The following PARP12 variants were observed in gnomAD, a reference collection of about 807,000 sequenced individuals.
The protein encoded by PARP12 is protein mono-ADP-ribosyltransferase PARP12.
A neutral mutation model predicts 72.4 loss-of-function variants in PARP12; 59 were observed. The observed-to-expected ratio is 0.81, with a 90% CI of 0.66 to 1.01. PARP12 has a LOEUF of 1.01. PARP12 is among the 50% of genes least tolerant of loss of function. PARP12 has a pLI of 0.00. For missense variants in PARP12, 851 were observed against 914.0 expected, an observed-to-expected ratio of 0.93 and a Z score of 0.89; for synonymous variants, 403 against 371.4, an observed-to-expected ratio of 1.09 and a Z score of -0.98.
chr7:140,036,992 T>A (rs1307162644), intron 7 of PARP12, among the ~76,000 whole-genome samples: 1 of 152,054 alleles, frequency 6.6e-6, no homozygotes, highest in Non-Finnish European at 1.5e-5. Flanking sequence ...TGTCCTACCA[T>A]CCGTTAAACC....
rs1198895407 is a variant in PARP12 at position 140,057,945 on chromosome 7, T to A, written c.416A>T (p.Glu139Val). The change falls in exon 2 of 12, where the codon GAG becomes GTG. Residue 139 changes from glutamate (E) to valine (V), a missense_variant. This residue lies in a region of PARP12 where 492 missense variants were observed against 489.3 expected (regional missense o/e 1.01). Coordinates refer to ENST00000263549, the MANE Select transcript of PARP12 (RefSeq NM_022750.4). ...GTTCTGAAACAAGAGTTGGCATAGC[T>A]CATTATAGCTCAGGTGGTCAACGCC... is the stretch of plus-strand genomic sequence containing the variant. ...THGVDHLSYN[E>V]LCQLLFQNDP... 6.2e-7 allele frequency: 1 copy of A among 1,614,072 alleles called. No individual in the cohort carries two copies. The highest frequency in any genetic ancestry group is 1.3e-5 in the African/African-American group (1 of 74,920).
At chr7:140,034,509 T>C (rs16882298) in intron 7 of PARP12, 178 bp from the exon 8 acceptor site, 13,109 of 462,508 alleles carry the variant, frequency 0.028, 477 homozygotes, top group African/African-American at 0.12. Flanking sequence ...ATAAAGAAAA[T>C]AGGTATCCTT....
chr7:140,062,816 G>T lies in PARP12; in HGVS notation c.32C>A (p.Thr11Asn), dbSNP rs1405859982. Residue 11 changes from threonine to asparagine, a missense_variant, in exon 1 of 12, where the codon ACC becomes AAC. This residue lies in a region of PARP12 where 492 missense variants were observed against 489.3 expected (regional missense o/e 1.01). Transcript: ENST00000263549. ...GCCCCCGGCCGCGCACAGCACCTGG[G>T]TGACCTCACCGACGACGCCGGCCTG... is the stretch of plus-strand genomic sequence containing the variant. Reference protein sequence around the residue: MAQAGVVGEVTQVLCAAGGAL... With the variant: MAQAGVVGEVNQVLCAAGGAL... The T allele has an allele frequency of 1.4e-6, 2 of 1,411,128 alleles. No individual in the cohort carries two copies. Among genetic ancestry groups the T allele is most frequent in the Non-Finnish European group, 1.9e-6 (2 of 1,080,736 alleles). 87.4% of individuals were successfully genotyped at this position (1,411,128 alleles called of 1,614,324 possible).
intron 1 of PARP12, among the ~76,000 whole-genome samples, chr7:140,061,021 G>C (rs1357322232): frequency 6.6e-6 from 1 of 152,184 alleles, no homozygotes; most frequent in African/African-American, 2.4e-5. Flanking sequence ...CGCAGGAACA[G>C]AGACTGAAGA....
At position 140,024,203 on chromosome 7, in the gene PARP12, T is replaced by C; in HGVS notation, c.*357A>G. ...TGCCATGAGACTCTGAGAAACCGAA[T>C]CACTGCAGAGACAAACTCATAAAAA... On this transcript the variant is annotated 3_prime_UTR_variant, in exon 12 of 12. Coordinates refer to ENST00000263549, the MANE Select transcript of PARP12 (RefSeq NM_022750.4). The C allele has an allele frequency of 3.1e-6, 1 of 324,492 alleles. No homozygotes were observed. The highest frequency in any genetic ancestry group is 6.0e-6 in the Non-Finnish European group (1 of 167,020). The allele number at this position is 324,492 out of a possible 1,614,324, so 20.1% of individuals were successfully genotyped here.
chr7:140,046,648 G>C (rs948907700), intron 5 of PARP12, among the ~76,000 whole-genome samples: 16 of 152,130 alleles, frequency 1.1e-4, no homozygotes, highest in Admixed American at 3.3e-4. Flanking sequence ...GGAGAACAAA[G>C]CCACCAAACT....
intron 7 of PARP12, among the ~76,000 whole-genome samples, chr7:140,036,142 G>A (rs1816187541): frequency 6.6e-6 from 1 of 152,182 alleles, no homozygotes; most frequent in African/African-American, 2.4e-5. Context: ...ATCATAAACT[G>A]CACGTGTGTG....
In PARP12 at chr7:140,040,961, T is replaced by C. The variant is rs565332229; in HGVS notation, c.1182+683A>G. On this transcript the variant is annotated intron_variant, in intron 6 of 11. Coordinates refer to ENST00000263549, the MANE Select transcript of PARP12 (RefSeq NM_022750.4). ...TTTTGTATTTTTAGTAGAGATGGGGTTTCACCATGTTGGCCAGGCTGGTCT... is the reference window on the plus strand; with the variant it reads ...TTTTGTATTTTTAGTAGAGATGGGGCTTCACCATGTTGGCCAGGCTGGTCT... 7.9e-5 allele frequency among the ~76,000 whole-genome samples: 12 copies of C among 152,176 alleles called. No homozygotes were observed. In the South Asian group the frequency reaches 1.0e-3, roughly 13 times the overall value.
rs1443949687 is a variant in PARP12, at chr7:140,062,903, A to C, written c.-56T>G. 8 of 1,213,306 alleles carry C rather than the reference A, an allele frequency of 6.6e-6. No homozygotes were observed. The highest frequency in any genetic ancestry group is 1.6e-5 in the African/African-American group (1 of 62,528). The allele number at this position is 1,213,306 out of a possible 1,614,324, so 75.2% of individuals were successfully genotyped here. On this transcript the variant is annotated 5_prime_UTR_variant, in exon 1 of 12. Coordinates refer to ENST00000263549, the MANE Select transcript of PARP12 (RefSeq NM_022750.4). ...GGTGGCGCGACGCGGACGGCGGCGGACGCTGGCTGGCGGGCGGCTCTCGCA... is the reference window on the plus strand; with the variant it reads ...GGTGGCGCGACGCGGACGGCGGCGGCCGCTGGCTGGCGGGCGGCTCTCGCA...
At chr7:140,041,057 C>T (rs532477897) in intron 6 of PARP12, among the ~76,000 whole-genome samples, 10 of 152,216 alleles carry the variant, frequency 6.6e-5, no homozygotes, top group Non-Finnish European at 1.0e-4. Flanking sequence ...CATGAGCCAC[C>T]ACGCCCGGCC....
intron 6 of PARP12, among the ~76,000 whole-genome samples, chr7:140,040,453 C>T (rs1184403189): frequency 1.3e-5 from 2 of 152,170 alleles, no homozygotes; most frequent in Admixed American, 1.3e-4. Context: ...GCAAGGCCAT[C>T]GCTGAGAGTG....
chr7:140,062,858 C>A lies in PARP12; in HGVS notation c.-11G>T, dbSNP rs1437443954. On this transcript the variant is annotated 5_prime_UTR_variant, in exon 1 of 12. Transcript: ENST00000263549. ...GCCGGCCTGGGCCATGGCCGCTGGG[C>A]CTGCTCCCGTCGGACCGCGGGTGGC... is the stretch of plus-strand genomic sequence containing the variant. 7.7e-7 allele frequency: 1 copy of A among 1,295,778 alleles called. No individual in the cohort carries two copies. The highest frequency in any genetic ancestry group is 3.3e-5 in the East Asian group (1 of 30,184). The allele number at this position is 1,295,778 out of a possible 1,614,324, so 80.3% of individuals were successfully genotyped here. A position where few individuals can be genotyped will look rare whatever the true frequency, so the allele number is the denominator to read the frequency against.
chr7:140,025,879 C>T (rs1003769015), intron 11 of PARP12, among the ~76,000 whole-genome samples: 1 of 152,218 alleles, frequency 6.6e-6, no homozygotes, highest in Non-Finnish European at 1.5e-5. Context: ...AAGGCACAGT[C>T]AGGGACTTCA....
rs368943709 is a variant in PARP12 at position 140,049,992 on chromosome 7, C to T, written c.863-2985G>A. On this transcript the variant is annotated intron_variant, in intron 4 of 11. Transcript: ENST00000263549. ...TTTGGCAGACAAAACACCACATCCA[C>T]CCCAGCCCTTCCTCCCTATAGTCCT... Among the ~76,000 whole-genome samples, 193 of 152,220 alleles carry T rather than the reference C, an allele frequency of 1.3e-3. 6 individuals are homozygous for T. The South Asian group carries it at 0.038, about 30-fold the overall frequency.
At chr7:140,035,234 A>T (rs1232077530) in intron 7 of PARP12, among the ~76,000 whole-genome samples, 1 of 152,194 alleles carries the variant, frequency 6.6e-6, no homozygotes. Flanking sequence ...CCACATTCTC[A>T]TTCAGAGCCC....
rs1815682401 is a variant in PARP12, at chr7:140,025,137, G to A, written c.1781-252C>T. ...AGATAGCAAATTCCTTTCAAGTTCC[G>A]GATCTGCCCCACGAAACCTAAAGGC... is the stretch of plus-strand genomic sequence containing the variant. On this transcript the variant is annotated intron_variant, in intron 11 of 11. Coordinates refer to ENST00000263549, the MANE Select transcript of PARP12 (RefSeq NM_022750.4). The A allele has an allele frequency of 9.9e-6, 5 of 507,202 alleles. No individual in the cohort carries two copies. The East Asian group carries it at 1.1e-4, about 11-fold the overall frequency. The allele number at this position is 507,202 out of a possible 1,614,324, so 31.4% of individuals were successfully genotyped here.
intron 10 of PARP12, among the ~76,000 whole-genome samples, chr7:140,027,021 G>A (rs1815763612): frequency 6.6e-6 from 1 of 152,200 alleles, no homozygotes; most frequent in South Asian, 2.1e-4. Flanking sequence ...AAGTGAGAGT[G>A]CTAGCTTTGC....
intron 4 of PARP12, among the ~76,000 whole-genome samples, chr7:140,050,449 C>G (rs2116630177): frequency 6.6e-6 from 1 of 152,324 alleles, no homozygotes; most frequent in African/African-American, 2.4e-5. Context: ...TGCCAGCCTC[C>G]CACCTCACCA....
At chr7:140,028,858 G>A (rs983463917) in intron 8 of PARP12, 170 bp from the exon 9 acceptor site, 2 of 528,482 alleles carry the variant, frequency 3.8e-6, no homozygotes, top group Non-Finnish European at 6.6e-6. Flanking sequence ...CAACATGAGA[G>A]CACTTTTATC....
Sources: allele counts gnomAD v4.1 joint callset (sites outside exome capture counted in the v4.1 genomes callset), GRCh38; gene constraint gnomAD v4.1.1; regional missense constraint gnomAD v4.1.1; transcripts MANE v1.5; gene names NCBI Gene and HGNC (gene_info 2026-07-23, HGNC 2026-07-21).